The following KCNIP4 variants were observed in gnomAD, a reference collection of about 807,000 sequenced individuals.
KCNIP4 encodes the protein Kv channel-interacting protein 4.
KCNIP4 carries 12 observed loss-of-function variants against 34.0 expected under a neutral mutation model. The observed-to-expected ratio is 0.35, with a 90% CI of 0.23 to 0.57. The LOEUF (loss-of-function observed/expected upper bound fraction) is 0.57. Ranked by LOEUF, KCNIP4 falls within the 20% of genes least tolerant of loss-of-function variation. The probability of loss-of-function intolerance (pLI) is 0.83; values close to 1 mark genes in which losing one functional copy is unlikely to be tolerated. For synonymous variants in KCNIP4, 124 were observed against 102.2 expected, an observed-to-expected ratio of 1.21 and a Z score of -1.29; for missense variants, 238 against 311.7, an observed-to-expected ratio of 0.76 and a Z score of 1.78.
At chr4:21,218,084 C>T (rs752354864) in intron 1 of KCNIP4, among the ~76,000 whole-genome samples, 12 of 151,108 alleles carry the variant, frequency 7.9e-5, no homozygotes, top group South Asian at 4.2e-4. Flanking sequence ...GGTAGGATCT[C>T]GGCTACCCAC....
chr4:21,222,070 A>T (rs994368457), intron 1 of KCNIP4, among the ~76,000 whole-genome samples: 3 of 152,302 alleles, frequency 2.0e-5, no homozygotes, highest in African/African-American at 7.2e-5. Flanking sequence ...TATAGACAGG[A>T]TGGGCTCCTT....
chr4:21,259,035 C>T (rs921125459), intron 1 of KCNIP4, among the ~76,000 whole-genome samples: 4 of 152,062 alleles, frequency 2.6e-5, no homozygotes, highest in Non-Finnish European at 4.4e-5. Context: ...TACTATTTTT[C>T]GTATTTCACA....
At chr4:21,754,910 G>A (rs1275150462) in intron 1 of KCNIP4, among the ~76,000 whole-genome samples, 1 of 152,120 alleles carries the variant, frequency 6.6e-6, no homozygotes, top group African/African-American at 2.4e-5. Flanking sequence ...ATTTTTGGAG[G>A]CCGAGGTGGG....
chr4:21,103,637 GGTTA>G (rs113201461), intron 1 of KCNIP4, among the ~76,000 whole-genome samples: 21,338 of 149,930 alleles, frequency 0.14, 1,595 homozygotes, highest in South Asian at 0.19. Context: ...ACAATGTGCA[GGTTA>G]GTTACATACG....
chr4:21,591,491 CT>C (rs1742217195), intron 1 of KCNIP4, among the ~76,000 whole-genome samples: 1 of 151,922 alleles, frequency 6.6e-6, no homozygotes, highest in Non-Finnish European at 1.5e-5. Flanking sequence ...ATGCAAATCA[CT>C]TTTGTCTATT....
At chr4:21,783,200 G>A (rs894191043) in intron 1 of KCNIP4, among the ~76,000 whole-genome samples, 4 of 152,128 alleles carry the variant, frequency 2.6e-5, no homozygotes, top group Non-Finnish European at 5.9e-5. Context: ...TACATAAGAG[G>A]TAACAACTGG....
At position 21,519,796 on chromosome 4, in the gene KCNIP4, T is replaced by TAC. The variant is rs544083218; in HGVS notation, c.61+428773_61+428774dup. Among the ~76,000 whole-genome samples, 152 of 131,218 alleles carry TAC rather than the reference T, an allele frequency of 1.2e-3. 1 individual carries two copies. Among genetic ancestry groups the TAC allele is most frequent in the South Asian group, 4.5e-3 (17 of 3,750 alleles). 86.1% of individuals were successfully genotyped at this position (131,218 alleles called of 152,430 possible). Reference sequence around the variant, plus strand: ...ACACACGTGTGTGTATGTGTGTGTATACACGTGTGTGTATGTGTGTGTATA... The same window carrying TAC: ...ACACACGTGTGTGTATGTGTGTGTATACACACGTGTGTGTATGTGTGTGTATA... On this transcript the variant is annotated intron_variant, in intron 1 of 8. Coordinates refer to ENST00000382152, the MANE Select transcript of KCNIP4 (RefSeq NM_025221.6).
chr4:21,879,992 T>C (rs1279678455), intron 1 of KCNIP4, among the ~76,000 whole-genome samples: 1 of 152,122 alleles, frequency 6.6e-6, no homozygotes, highest in East Asian at 1.9e-4. Flanking sequence ...CCTTCCACCA[T>C]GATTGTAAGT....
At chr4:21,518,929 C>A (rs1465306209) in intron 1 of KCNIP4, among the ~76,000 whole-genome samples, 2 of 152,070 alleles carry the variant, frequency 1.3e-5, no homozygotes, top group African/African-American at 4.8e-5. Flanking sequence ...ATGGACCATG[C>A]ACTGTTTTAA....
chr4:21,634,725 T>C (rs1489791493), intron 1 of KCNIP4, among the ~76,000 whole-genome samples: 1 of 152,178 alleles, frequency 6.6e-6, no homozygotes, highest in Admixed American at 6.5e-5. Flanking sequence ...AATCATCTCA[T>C]TTGTAAGAAA....
At chr4:20,927,201 A>C (rs1415174926) in intron 1 of KCNIP4, among the ~76,000 whole-genome samples, 2 of 151,832 alleles carry the variant, frequency 1.3e-5, no homozygotes, top group African/African-American at 4.8e-5. Context: ...CTGGTCTTGA[A>C]CTCTTGAACT....
intron 1 of KCNIP4, among the ~76,000 whole-genome samples, chr4:21,370,834 TATATATATATATATATACACAC>T (rs1438732283): frequency 8.3e-4 from 27 of 32,388 alleles, no homozygotes; most frequent in East Asian, 2.9e-3. Context: ...TATATATATA[TATATATATATATATATACACAC>T]ACACACACAC....
chr4:21,746,553 AT>A, intron 1 of KCNIP4, among the ~76,000 whole-genome samples: 2 of 150,966 alleles, frequency 1.3e-5, no homozygotes, highest in Admixed American at 1.3e-4. Flanking sequence ...ATTATAAAAA[AT>A]ATTATACTCA....
chr4:20,916,986 TATATATATATATATA>T (rs1728885145), intron 1 of KCNIP4, among the ~76,000 whole-genome samples: 3 of 78,900 alleles, frequency 3.8e-5, no homozygotes, highest in African/African-American at 1.5e-4. Context: ...ATCTTATGTT[TATATATATATATATA>T]TATATATATA....
chr4:21,527,945 C>T (rs1331817993), intron 1 of KCNIP4, among the ~76,000 whole-genome samples: 2 of 152,066 alleles, frequency 1.3e-5, no homozygotes, highest in African/African-American at 4.8e-5. Flanking sequence ...AGGTACAAGT[C>T]CCATTAATAG....
At chr4:21,592,511 A>G (rs991388697) in intron 1 of KCNIP4, among the ~76,000 whole-genome samples, 4 of 152,098 alleles carry the variant, frequency 2.6e-5, no homozygotes, top group African/African-American at 9.7e-5. Context: ...GTTAAGGTTG[A>G]TCATCACTAT....
chr4:21,722,559 C>T (rs1400243104), intron 1 of KCNIP4, among the ~76,000 whole-genome samples: 1 of 152,066 alleles, frequency 6.6e-6, no homozygotes, highest in Non-Finnish European at 1.5e-5. Context: ...TTCTTACTTT[C>T]AGTTAGGATA....
At chr4:21,140,383 C>T (rs898135674) in intron 1 of KCNIP4, among the ~76,000 whole-genome samples, 3 of 152,164 alleles carry the variant, frequency 2.0e-5, no homozygotes, top group Admixed American at 1.3e-4. Flanking sequence ...TCAGTAAGTG[C>T]TTACAATCTT....
At chr4:21,694,042 A>G (rs1251944404) in intron 1 of KCNIP4, among the ~76,000 whole-genome samples, 3 of 152,226 alleles carry the variant, frequency 2.0e-5, no homozygotes, top group Non-Finnish European at 1.5e-5. Context: ...AAAAATGTCA[A>G]AACAACCTTC....
Sources: allele counts gnomAD v4.1 joint callset (sites outside exome capture counted in the v4.1 genomes callset), GRCh38; gene constraint gnomAD v4.1.1; transcripts MANE v1.5; gene names NCBI Gene and HGNC (gene_info 2026-07-23, HGNC 2026-07-21).